Variants in GPR82 observed in about 807,000 individuals in gnomAD.
The protein encoded by GPR82 is probable G protein-coupled receptor 82.
GPR82 carries 6 observed loss-of-function variants against 12.9 expected under a neutral mutation model. The observed-to-expected ratio is 0.46, with a 90% CI of 0.25 to 0.92. The LOEUF (loss-of-function observed/expected upper bound fraction) is 0.92. Ranked by LOEUF, GPR82 falls within the 40% of genes least tolerant of loss-of-function variation. GPR82 has a pLI of 0.16. For synonymous variants in GPR82, 90 were observed against 87.6 expected, an observed-to-expected ratio of 1.03 and a Z score of -0.15; for missense variants, 241 against 245.5, an observed-to-expected ratio of 0.98 and a Z score of 0.12.
Position 41,727,372 on chromosome X carries a change from A to C in GPR82, c.346A>C (p.Ser116Arg), listed in dbSNP as rs749603340. Residue 116 changes from serine (S) to arginine (R), a missense_variant, in exon 3 of 3, where the codon AGC (serine) becomes CGC (arginine). Transcript: ENST00000302548. The part of the protein sequence containing the change: ...SLLILSWIAI[S>R]RYATLMQKDS... Reference sequence around the variant, plus strand: ...CTTAATTTTAAGTTGGATTGCCATAAGCCGCTATGCTACCTTAATGCAAAA... The same window carrying C: ...CTTAATTTTAAGTTGGATTGCCATACGCCGCTATGCTACCTTAATGCAAAA... The C allele has an allele frequency of 8.3e-7, 1 of 1,209,310 alleles. No individual in the cohort carries two copies. Among genetic ancestry groups the C allele is most frequent in the Admixed American group, 2.2e-5 (1 of 46,056 alleles).
chrX:41,726,950 C>T, intron 2 of GPR82, 43 bp from the exon 3 acceptor site: 2 of 545,508 alleles, frequency 3.7e-6, no homozygotes, highest in Middle Eastern at 5.3e-4. Context: ...AAATACTGTA[C>T]CAAAAATAAT....
Position 41,728,759 on chromosome X carries a change from A to C in GPR82, c.*722A>C, listed in dbSNP as rs1052342675. The C allele has an allele frequency of 2.4e-5, 3 of 123,799 alleles. No individual in the cohort carries two copies. The highest frequency in any genetic ancestry group is 9.7e-5 in the African/African-American group (3 of 31,017). The allele number at this position is 123,799 out of a possible 1,213,427, so 10.2% of individuals were successfully genotyped here. On this transcript the variant is annotated 3_prime_UTR_variant, in exon 3 of 3. Transcript: ENST00000302548. ...TCTGTCTCATAAAACAAAACAAAAAAATAAAAATAAGTAAAAAAATAAATA... is the reference window on the plus strand; with the variant it reads ...TCTGTCTCATAAAACAAAACAAAAACATAAAAATAAGTAAAAAAATAAATA...
intron 1 of GPR82, among the ~76,000 whole-genome samples, chrX:41,724,603 T>C: frequency 8.9e-6 from 1 of 112,042 alleles, no homozygotes; most frequent in Middle Eastern, 4.6e-3. Context: ...AATAGTACTT[T>C]CCAAATTCTG....
chrX:41,728,047 G>A lies in GPR82; in HGVS notation c.*10G>A, dbSNP rs1358753774. On this transcript the variant is annotated 3_prime_UTR_variant, in exon 3 of 3. Transcript: ENST00000302548. ...GCAATCATATGGTTGACTTTTGAAT[G>A]GAAAACCCCACAATATTAAGAAAAG... 2.0e-6 allele frequency: 2 copies of A among 1,012,362 alleles called. No homozygotes were observed. The highest frequency in any genetic ancestry group is 2.6e-6 in the Non-Finnish European group (2 of 756,116). The allele number at this position is 1,012,362 out of a possible 1,213,427, so 83.4% of individuals were successfully genotyped here.
Sources: allele counts gnomAD v4.1 joint callset (sites outside exome capture counted in the v4.1 genomes callset), GRCh38; gene constraint gnomAD v4.1.1; transcripts MANE v1.5; gene names NCBI Gene and HGNC (gene_info 2026-07-23, HGNC 2026-07-21).